The following SLC35D1 variants were observed in gnomAD, a reference collection of about 807,000 sequenced individuals.
SLC35D1 encodes the protein solute carrier family 35 member D1, also known as nucleotide sugar transporter SLC35D1.
In SLC35D1, 31 loss-of-function variants were observed where a neutral mutation model predicts 46.7. That is an observed-to-expected ratio of 0.66 (90% CI 0.50 to 0.90). The LOEUF is 0.90. Ranked by LOEUF, SLC35D1 falls within the 40% of genes least tolerant of loss-of-function variation. The pLI, the probability that SLC35D1 is intolerant of heterozygous loss-of-function variation, is 0.00. For synonymous variants in SLC35D1, 195 were observed against 164.6 expected, an observed-to-expected ratio of 1.18 and a Z score of -1.41; for missense variants, 397 against 426.2, an observed-to-expected ratio of 0.93 and a Z score of 0.60.
the SLC35D1 span, among the ~76,000 whole-genome samples, chr1:66,991,794 C>CT: frequency 0.095 from 14,123 of 149,194 alleles, 935 homozygotes; most frequent in African/African-American, 0.19. Flanking sequence ...ATATTTACAG[C>CT]TTTTTTTTTT....
intron 1 of SLC35D1, among the ~76,000 whole-genome samples, chr1:67,053,481 T>G (rs1645333675): frequency 6.6e-6 from 1 of 152,126 alleles, no homozygotes; most frequent in South Asian, 2.1e-4. Flanking sequence ...TCGACAGGCA[T>G]AACGGCTCAA....
At chr1:67,042,140 G>T in intron 8 of SLC35D1, 96 bp downstream of exon 8, 1 of 1,173,334 alleles carries the variant, frequency 8.5e-7, no homozygotes, top group Non-Finnish European at 1.3e-6. Flanking sequence ...CACTTAATAA[G>T]CATATTTCTT....
At chr1:66,997,410 G>A (rs1030235870), downstream of SLC35D1, among the ~76,000 whole-genome samples, 1 of 150,324 alleles carries the variant, frequency 6.7e-6, no homozygotes, top group Non-Finnish European at 1.5e-5. Context: ...GGCTAGGGTA[G>A]GAGAATTTCT....
chr1:67,052,696 G>A (rs1645322470), intron 3 of SLC35D1, 75 bp downstream of exon 3: 2 of 1,480,344 alleles, frequency 1.4e-6, no homozygotes, highest in African/African-American at 1.4e-5. Context: ...TTTTAAATAC[G>A]CAAGGCACTG....
intron 4 of SLC35D1, among the ~76,000 whole-genome samples, chr1:67,051,475 T>G (rs936858844): frequency 6.6e-6 from 1 of 152,240 alleles, no homozygotes; most frequent in Non-Finnish European, 1.5e-5. Flanking sequence ...AGAGGAGAGC[T>G]ATTGCTTCTT....
intron 10 of SLC35D1, among the ~76,000 whole-genome samples, chr1:67,019,301 A>C (rs1053183919): frequency 2.0e-5 from 3 of 152,180 alleles, no homozygotes; most frequent in Admixed American, 6.5e-5. Flanking sequence ...AAACCAAAAC[A>C]TACCTAGAGC....
the SLC35D1 span, among the ~76,000 whole-genome samples, chr1:66,993,501 C>A: frequency 6.6e-6 from 1 of 152,122 alleles, no homozygotes; most frequent in Middle Eastern, 3.2e-3. Context: ...AAGATGGGGA[C>A]TCAGATATAT....
At chr1:67,043,222 G>A (rs972949248) in intron 7 of SLC35D1, among the ~76,000 whole-genome samples, 27 of 151,304 alleles carry the variant, frequency 1.8e-4, no homozygotes, top group Non-Finnish European at 2.5e-4. Context: ...AAACCTAGCC[G>A]AGCATGGTGG....
At chr1:67,035,365 C>T (rs542159459) in intron 8 of SLC35D1, among the ~76,000 whole-genome samples, 7 of 152,120 alleles carry the variant, frequency 4.6e-5, no homozygotes, top group Non-Finnish European at 1.0e-4. Flanking sequence ...CAGCTTTGAT[C>T]TCATTCCTTG....
In SLC35D1 at chr1:67,049,833, C is replaced by A; in HGVS notation, c.482G>T (p.Gly161Val). The change falls in exon 6 of 12, where the codon GGT becomes GTT. Residue 161 changes from glycine to valine, a missense_variant. Physicochemically the swap from Gly to Val is moderately radical, Grantham distance 109 (BLOSUM62 -3). Coordinates refer to ENST00000235345, the MANE Select transcript of SLC35D1 (RefSeq NM_015139.3). Reference protein sequence around the residue: ...GVLLKKTFSWGIKMTVFAMII... With the variant: ...GVLLKKTFSWVIKMTVFAMII... ...CATTGCAAATACAGTCATTTTAATA[C>A]CCCAAGAAAAAGTCTTCCTACAAAA... The A allele has an allele frequency of 6.2e-7, 1 of 1,613,564 alleles. No homozygotes were observed. Among genetic ancestry groups the A allele is most frequent in the South Asian group, 1.1e-5 (1 of 91,024 alleles).
At chr1:67,023,295 C>A (rs1422329251) in intron 8 of SLC35D1, among the ~76,000 whole-genome samples, 1 of 152,178 alleles carries the variant, frequency 6.6e-6, no homozygotes, top group Admixed American at 6.5e-5. Flanking sequence ...CTCACCAGCA[C>A]TATATAAGAG....
intron 10 of SLC35D1, among the ~76,000 whole-genome samples, chr1:67,016,336 A>G (rs534445835): frequency 3.9e-5 from 6 of 152,116 alleles, no homozygotes; most frequent in Non-Finnish European, 7.4e-5. Context: ...TGTAGTTTAC[A>G]ATCGGTAGAG....
the SLC35D1 span, among the ~76,000 whole-genome samples, chr1:66,990,293 G>A: frequency 6.6e-6 from 1 of 152,026 alleles, no homozygotes; most frequent in African/African-American, 2.4e-5. Flanking sequence ...CTTTTTTCCG[G>A]AGACAACGTC....
chr1:67,021,636 C>A (rs368141279), intron 8 of SLC35D1, 34 bp from the exon 9 acceptor site: 126 of 1,605,268 alleles, frequency 7.8e-5, no homozygotes, highest in Admixed American at 3.5e-4. Context: ...AATTTTAGAC[C>A]AGGCCTTCAA....
the SLC35D1 span, among the ~76,000 whole-genome samples, chr1:66,983,726 A>G: frequency 2.0e-5 from 3 of 152,180 alleles, no homozygotes; most frequent in Non-Finnish European, 4.4e-5. Context: ...ATAGTGTGTG[A>G]TCATCTTTTT....
the SLC35D1 span, chr1:66,981,792 C>T: frequency 1.2e-6 from 2 of 1,613,168 alleles, no homozygotes; most frequent in Non-Finnish European, 1.7e-6. Context: ...TTACATGGAT[C>T]GTCTTCTAGA....
intron 11 of SLC35D1, among the ~76,000 whole-genome samples, chr1:67,006,378 C>T (rs115754700): frequency 1.4e-3 from 216 of 152,254 alleles, no homozygotes; most frequent in Non-Finnish European, 2.4e-3. Flanking sequence ...TTCACATGTA[C>T]GTCCACCCAC....
At chr1:67,021,472 T>G in intron 9 of SLC35D1, 63 bp downstream of exon 9, 1 of 1,531,832 alleles carries the variant, frequency 6.5e-7, no homozygotes, top group East Asian at 2.3e-5. Context: ...AAAAGAGGCA[T>G]GCAAATTTCT....
chr1:66,986,250 C>G, the SLC35D1 span: 7 of 1,357,672 alleles, frequency 5.2e-6, no homozygotes, highest in Non-Finnish European at 6.6e-6. Flanking sequence ...TGTGTGATTA[C>G]AGATAGGATT....
Sources: gnomAD v4.1 joint callset for allele counts (sites outside exome capture counted in the v4.1 genomes callset) on GRCh38, gnomAD v4.1.1 for gene constraint, MANE v1.5 for transcripts, NCBI Gene and HGNC (gene_info 2026-07-23, HGNC 2026-07-21) for gene names.